Variants in DMD observed in about 807,000 individuals in gnomAD.
DMD encodes the protein mutant dystrophin.
In DMD, 63 loss-of-function variants were observed where a neutral mutation model predicts 330.1. The ratio of observed to expected loss-of-function variants is 0.19; its 90% CI spans 0.16 to 0.24. DMD has a LOEUF of 0.24. Among genes scored for constraint, DMD ranks in the 10% least tolerant of loss-of-function variants. The pLI is 1.00. For missense variants in DMD, 3,344 were observed against 2,684.1 expected (o/e 1.25, Z -5.43); for synonymous variants, 1,223 against 959.8 (o/e 1.27, Z -5.07).
At chrX:32,594,847 A>G (rs1001299087) in intron 13 of DMD, among the ~76,000 whole-genome samples, 4 of 111,820 alleles carry the variant, frequency 3.6e-5, no homozygotes, top group Non-Finnish European at 7.5e-5. Context: ...GCATTCCACG[A>G]CAATTCCAGC....
chrX:31,760,973 C>A (rs1030210765), intron 51 of DMD, among the ~76,000 whole-genome samples: 8 of 80,951 alleles, frequency 9.9e-5, no homozygotes, highest in African/African-American at 4.1e-4. Context: ...GAGATGGAGT[C>A]TTGCTCTGTC....
At chrX:32,902,193 A>ACACACG (rs1322521239) in intron 2 of DMD, among the ~76,000 whole-genome samples, 5 of 107,965 alleles carry the variant, frequency 4.6e-5, no homozygotes, top group Non-Finnish European at 9.6e-5. Flanking sequence ...ACACACACAC[A>ACACACG]CACGCAGAAA....
chrX:31,304,255 G>A (rs2054860947), intron 62 of DMD, among the ~76,000 whole-genome samples: 1 of 111,652 alleles, frequency 9.0e-6, no homozygotes, highest in African/African-American at 3.2e-5. Context: ...GACACCCTTG[G>A]AAACTATGCT....
chrX:32,912,876 G>T (rs5972710), intron 2 of DMD, among the ~76,000 whole-genome samples: 55,623 of 110,673 alleles, frequency 0.5, 10,612 homozygotes, highest in African/African-American at 0.64. Flanking sequence ...AACACATTTG[G>T]TTATGATTGA....
At chrX:31,203,268 C>A (rs1283341185) in intron 67 of DMD, among the ~76,000 whole-genome samples, 1 of 80,540 alleles carries the variant, frequency 1.2e-5, no homozygotes, top group Admixed American at 1.9e-4. Flanking sequence ...GGTGACAGAG[C>A]GAGACTGCAA....
intron 26 of DMD, among the ~76,000 whole-genome samples, chrX:32,452,715 T>C (rs183148631): frequency 9.0e-6 from 1 of 110,612 alleles, no homozygotes; most frequent in East Asian, 2.9e-4. Flanking sequence ...TCCTCAGGGG[T>C]GACCTCCCCA....
intron 47 of DMD, among the ~76,000 whole-genome samples, chrX:31,901,802 T>C (rs143742585): frequency 0.04 from 4,461 of 111,466 alleles, 88 homozygotes; most frequent in Non-Finnish European, 0.065. Context: ...ACTTTTACCG[T>C]TTCTAATGTA....
At chrX:32,210,506 C>A (rs2097089617) in intron 44 of DMD, among the ~76,000 whole-genome samples, 1 of 111,841 alleles carries the variant, frequency 8.9e-6, no homozygotes, top group African/African-American at 3.2e-5. Flanking sequence ...AACTCAGCAG[C>A]CAGCTGGTGA....
intron 7 of DMD, among the ~76,000 whole-genome samples, chrX:32,718,012 T>C (rs968830680): frequency 3.6e-5 from 4 of 111,629 alleles, no homozygotes; most frequent in African/African-American, 9.8e-5. Flanking sequence ...TACAGGATCA[T>C]AGGTTGAAGG....
At position 32,713,354 on chromosome X, in the gene DMD, G is replaced by C. The variant is rs1228978206; in HGVS notation, c.650-14061C>G. Among the ~76,000 whole-genome samples, 3 of 111,313 alleles carry C rather than the reference G, an allele frequency of 2.7e-5. No individual in the cohort carries two copies. In the Admixed American group the frequency reaches 2.9e-4, roughly 11 times the overall value. ...GTGATCATTAGCTGGCTAGATTCCA[G>C]TTGCATTAAGCTGGTGGGAAGTACC... On this transcript the variant is annotated intron_variant, in intron 7 of 78. Transcript: ENST00000357033.
intron 44 of DMD, among the ~76,000 whole-genome samples, chrX:32,203,024 C>T (rs957385123): frequency 9.0e-6 from 1 of 111,424 alleles, no homozygotes; most frequent in African/African-American, 3.3e-5. Context: ...GTCTGTGTAC[C>T]GTGTAATGTC....
At chrX:31,204,229 T>A in intron 66 of DMD, 111 bp from the exon 67 acceptor site, 1 of 660,925 alleles carries the variant, frequency 1.5e-6, no homozygotes, top group Admixed American at 2.6e-5. Context: ...AGCCAGTATT[T>A]CCACAGAGTG....
intron 64 of DMD, among the ~76,000 whole-genome samples, chrX:31,211,985 C>T (rs151283828): frequency 0.082 from 9,035 of 110,673 alleles, 341 homozygotes; most frequent in Admixed American, 0.15. Context: ...AATTGCCATG[C>T]ATATGCTTTT....
At chrX:32,729,422 T>C (rs746190397) in intron 7 of DMD, among the ~76,000 whole-genome samples, 6 of 111,879 alleles carry the variant, frequency 5.4e-5, no homozygotes, top group Non-Finnish European at 9.4e-5. Flanking sequence ...TTGGAAACAT[T>C]TCATGTTAAT....
chrX:32,987,272 G>A (rs1191205113), intron 2 of DMD, among the ~76,000 whole-genome samples: 2 of 111,811 alleles, frequency 1.8e-5, no homozygotes, highest in Non-Finnish European at 3.8e-5. Flanking sequence ...TCCAATGCCC[G>A]TGTCAGCGTC....
chrX:32,875,781 T>A (rs1478584692), intron 2 of DMD, among the ~76,000 whole-genome samples: 1 of 112,111 alleles, frequency 8.9e-6, no homozygotes, highest in Non-Finnish European at 1.9e-5. Flanking sequence ...GCTGCTTCTG[T>A]GACCAGACAC....
intron 7 of DMD, among the ~76,000 whole-genome samples, chrX:32,709,094 G>C (rs760798506): frequency 8.9e-6 from 1 of 111,791 alleles, no homozygotes; most frequent in East Asian, 2.8e-4. Context: ...TTTTCCTTTT[G>C]ACAGTACTTA....
At chrX:31,834,521 C>A (rs747715767) in intron 49 of DMD, among the ~76,000 whole-genome samples, 1 of 111,889 alleles carries the variant, frequency 8.9e-6, no homozygotes, top group East Asian at 2.8e-4. Flanking sequence ...CTCACTGCAA[C>A]TTCTGCCTCT....
intron 52 of DMD, among the ~76,000 whole-genome samples, chrX:31,700,680 T>C (rs1279666606): frequency 1.8e-5 from 2 of 112,040 alleles, no homozygotes; most frequent in Admixed American, 1.9e-4. Context: ...TTTTATTAAT[T>C]AAATAGGTGA....
Sources: allele counts gnomAD v4.1 joint callset (sites outside exome capture counted in the v4.1 genomes callset), GRCh38; gene constraint gnomAD v4.1.1; transcripts MANE v1.5; gene names NCBI Gene and HGNC (gene_info 2026-07-23, HGNC 2026-07-21).